Variants in MACROD2 observed in about 807,000 individuals in gnomAD.
MACROD2 encodes the protein mono-ADP ribosylhydrolase 2.
A neutral mutation model predicts 70.4 loss-of-function variants in MACROD2; 36 were observed. The ratio of observed to expected loss-of-function variants is 0.51; its 90% CI spans 0.39 to 0.68. MACROD2 has a LOEUF of 0.68. Ranked by LOEUF, MACROD2 falls within the 30% of genes least tolerant of loss-of-function variation. The pLI, the probability that MACROD2 is intolerant of heterozygous loss-of-function variation, is 0.00. For missense variants in MACROD2, 496 were observed against 538.4 expected, an observed-to-expected ratio of 0.92 and a Z score of 0.78; for synonymous variants, 172 against 178.8, an observed-to-expected ratio of 0.96 and a Z score of 0.30.
chr20:15,077,023 A>T (rs1011448822), intron 5 of MACROD2, among the ~76,000 whole-genome samples: 1 of 152,326 alleles, frequency 6.6e-6, no homozygotes, highest in South Asian at 2.1e-4. Flanking sequence ...TAGAAGAGAC[A>T]AAAGATTTCA....
intron 3 of MACROD2, among the ~76,000 whole-genome samples, chr20:14,380,827 A>C (rs569073832): frequency 1.3e-5 from 2 of 152,136 alleles, no homozygotes; most frequent in South Asian, 4.1e-4. Flanking sequence ...TGACTATTGA[A>C]ATCAGGAAGT....
intron 10 of MACROD2, among the ~76,000 whole-genome samples, chr20:15,916,266 G>T (rs1338490762): frequency 6.6e-6 from 1 of 152,152 alleles, no homozygotes; most frequent in East Asian, 1.9e-4. Context: ...TTGCCATGGG[G>T]GCTCTCTATA....
chr20:15,797,588 C>T (rs911968987), intron 8 of MACROD2, among the ~76,000 whole-genome samples: 1 of 152,206 alleles, frequency 6.6e-6, no homozygotes, highest in Non-Finnish European at 1.5e-5. Flanking sequence ...TTCCTTATAT[C>T]TCATGGGCTA....
intron 5 of MACROD2, among the ~76,000 whole-genome samples, chr20:14,994,367 G>A (rs571972319): frequency 6.6e-6 from 1 of 152,222 alleles, no homozygotes; most frequent in African/African-American, 2.4e-5. Context: ...GAAGGAAAGA[G>A]TGTGTTAGGA....
intron 5 of MACROD2, among the ~76,000 whole-genome samples, chr20:15,021,265 T>TGTGTATACACACACCTAC (rs1386024417): frequency 1.3e-4 from 1 of 7,896 alleles, no homozygotes; most frequent in Non-Finnish European, 4.2e-4. Context: ...CACACACCTG[T>TGTGTATACACACACCTAC]GTGTGTGTAT....
chr20:14,453,583 G>A (rs2084267681), intron 3 of MACROD2, among the ~76,000 whole-genome samples: 1 of 152,086 alleles, frequency 6.6e-6, no homozygotes, highest in Admixed American at 6.5e-5. Flanking sequence ...GGGATTCATT[G>A]ATGTGTCGAA....
At chr20:15,978,373 G>A (rs1426880979) in intron 13 of MACROD2, among the ~76,000 whole-genome samples, 1 of 152,198 alleles carries the variant, frequency 6.6e-6, no homozygotes, top group African/African-American at 2.4e-5. Flanking sequence ...GGGAGGTCAT[G>A]AGAAACGTGG....
At chr20:14,279,028 G>A (rs1056585092) in intron 3 of MACROD2, among the ~76,000 whole-genome samples, 1 of 152,140 alleles carries the variant, frequency 6.6e-6, no homozygotes, top group Non-Finnish European at 1.5e-5. Flanking sequence ...AAGAGTCTGT[G>A]TTGGATATTG....
chr20:14,601,024 C>T (rs1982461910), intron 4 of MACROD2, among the ~76,000 whole-genome samples: 2 of 152,108 alleles, frequency 1.3e-5, no homozygotes, highest in African/African-American at 2.4e-5. Context: ...GGGGAAGTGT[C>T]TTACCACCCT....
At chr20:15,502,163 A>G (rs2047372855) in intron 8 of MACROD2, among the ~76,000 whole-genome samples, 1 of 152,248 alleles carries the variant, frequency 6.6e-6, no homozygotes, top group African/African-American at 2.4e-5. Context: ...AGTGCTTTAC[A>G]AAATAAAACA....
intron 4 of MACROD2, among the ~76,000 whole-genome samples, chr20:14,611,475 C>T (rs376659506): frequency 0.039 from 3,336 of 84,570 alleles, 61 homozygotes; most frequent in Non-Finnish European, 0.051. Flanking sequence ...TTTTTTTTGG[C>T]GGGGGGTCAT....
intron 3 of MACROD2, among the ~76,000 whole-genome samples, chr20:14,281,794 G>A (rs2082308189): frequency 6.6e-6 from 1 of 151,764 alleles, no homozygotes; most frequent in African/African-American, 2.4e-5. Flanking sequence ...AATTAGCCGG[G>A]CGCGGTGATG....
intron 2 of MACROD2, among the ~76,000 whole-genome samples, chr20:14,041,219 T>C (rs1296953486): frequency 6.6e-6 from 1 of 152,236 alleles, no homozygotes; most frequent in African/African-American, 2.4e-5. Context: ...GGAATTTGTA[T>C]CTTGAAGTTT....
chr20:15,534,079 A>G (rs766154293), intron 8 of MACROD2, among the ~76,000 whole-genome samples: 3 of 152,206 alleles, frequency 2.0e-5, no homozygotes, highest in Non-Finnish European at 2.9e-5. Flanking sequence ...AATAATGGGT[A>G]GGATTCAAAC....
chr20:15,947,362 G>A (rs1219078971), intron 12 of MACROD2, among the ~76,000 whole-genome samples: 1 of 152,150 alleles, frequency 6.6e-6, no homozygotes, highest in Non-Finnish European at 1.5e-5. Context: ...GGTCCCTGCG[G>A]CTTTCCACAG....
At chr20:14,615,628 A>C (rs1983435004) in intron 4 of MACROD2, among the ~76,000 whole-genome samples, 1 of 152,116 alleles carries the variant, frequency 6.6e-6, no homozygotes, top group African/African-American at 2.4e-5. Flanking sequence ...TGGGTCTAGA[A>C]GCTCAGGCTA....
chr20:14,339,773 T>C (rs60399889), intron 3 of MACROD2, among the ~76,000 whole-genome samples: 3,467 of 152,290 alleles, frequency 0.023, 85 homozygotes, highest in African/African-American at 0.061. Context: ...TTGCTTTTTT[T>C]CCCCTTTTAA....
Position 13,995,850 on chromosome 20 carries a change from GTTAGGGT to G in MACROD2, c.46+42_46+48del. ...AGTCCTGGGGGTGCGGGCGGTGGGGGTTAGGGTGGGGGCGGGGGTCAGGCTGTGTGTG... is the reference window on the plus strand; with the variant it reads ...AGTCCTGGGGGTGCGGGCGGTGGGGGGGGGGCGGGGGTCAGGCTGTGTGTG... On this transcript the variant is annotated intron_variant, in intron 1 of 17. Transcript: ENST00000684519. The surrounding 1 kb of genome is among the most constrained non-coding windows in gnomAD (Gnocchi z 4.3). 55 of 504,984 alleles carry G rather than the reference GTTAGGGT, an allele frequency of 1.1e-4. No homozygotes were observed. Among genetic ancestry groups the G allele is most frequent in the Non-Finnish European group, 2.0e-4 (53 of 266,234 alleles). 31.3% of individuals were successfully genotyped at this position (504,984 alleles called of 1,614,324 possible).
chr20:15,150,150 G>T (rs1473284183), intron 5 of MACROD2, among the ~76,000 whole-genome samples: 1 of 152,022 alleles, frequency 6.6e-6, no homozygotes, highest in Admixed American at 6.6e-5. Context: ...AGATGAGGAA[G>T]AAATTTGGGC....
Sources: gnomAD v4.1 joint callset for allele counts (sites outside exome capture counted in the v4.1 genomes callset) on GRCh38, gnomAD v4.1.1 for gene constraint, Gnocchi (gnomAD v3.1) non-coding constraint, MANE v1.5 for transcripts, NCBI Gene and HGNC (gene_info 2026-07-23, HGNC 2026-07-21) for gene names.